Variants in FHOD3 observed in about 807,000 individuals in gnomAD.
FHOD3 encodes FH1/FH2 domain-containing protein 3.
Under a neutral mutation model 173.0 loss-of-function variants are expected in FHOD3, and 90 were observed. The observed-to-expected ratio is 0.52, with a 90% CI of 0.44 to 0.62. The LOEUF (loss-of-function observed/expected upper bound fraction) is 0.62. Ranked by LOEUF, FHOD3 falls within the 20% of genes least tolerant of loss-of-function variation. The pLI is 0.00. For missense variants in FHOD3, 1,945 were observed against 2,034.7 expected, an observed-to-expected ratio of 0.96 and a Z score of 0.85; for synonymous variants, 828 against 823.0, an observed-to-expected ratio of 1.01 and a Z score of -0.10.
chr18:36,709,261 C>T lies in FHOD3; in HGVS notation c.2403C>T (p.Leu801=). Residue 801 remains leucine, a synonymous_variant, in exon 18 of 29, where the codon CTC becomes CTT. Coordinates refer to ENST00000590592, the MANE Select transcript of FHOD3 (RefSeq NM_001281740.3). Reference sequence around the variant, plus strand: ...AAGAGCCGGAAGAAAGAGCCTCCCTCAGTGAAAAAGAGAGGCAGAACGAGG... The same window carrying T: ...AAGAGCCGGAAGAAAGAGCCTCCCTTAGTGAAAAAGAGAGGCAGAACGAGG... ...LEQEPEERAS[L]SEKERQNEGV... The T allele has an allele frequency of 1.9e-6, 3 of 1,614,214 alleles. No individual in the cohort carries two copies. Among genetic ancestry groups the T allele is most frequent in the Non-Finnish European group, 2.5e-6 (3 of 1,180,046 alleles).
chr18:36,552,371 G>T lies in FHOD3; in HGVS notation c.512-24080G>T, dbSNP rs193089374. ...TGTATCCTGAGACTTTGCTGAAGTTGCTTATGAGCTTAAGGAGATTTTGGG... is the reference window on the plus strand; with the variant it reads ...TGTATCCTGAGACTTTGCTGAAGTTTCTTATGAGCTTAAGGAGATTTTGGG... On this transcript the variant is annotated intron_variant, in intron 5 of 28. Transcript: ENST00000590592. Among the ~76,000 whole-genome samples, 1,127 of 152,266 alleles carry T rather than the reference G, an allele frequency of 7.4e-3. 8 individuals carry two copies. Among genetic ancestry groups the T allele is most frequent in the African/African-American group, 0.026 (1,064 of 41,546 alleles).
intron 1 of FHOD3, among the ~76,000 whole-genome samples, chr18:36,343,439 C>T (rs547767997): frequency 7.9e-5 from 12 of 152,258 alleles, no homozygotes; most frequent in East Asian, 7.7e-4. Context: ...GATGTTGTCC[C>T]CTCCAAATCT....
intron 10 of FHOD3, among the ~76,000 whole-genome samples, chr18:36,627,124 C>T (rs1439669526): frequency 6.6e-6 from 1 of 152,164 alleles, no homozygotes; most frequent in East Asian, 1.9e-4. Flanking sequence ...ATGAGCATTG[C>T]ATTTTGTGAT....
intron 5 of FHOD3, among the ~76,000 whole-genome samples, chr18:36,555,154 G>T (rs1353333040): frequency 1.3e-5 from 2 of 152,008 alleles, no homozygotes; most frequent in Non-Finnish European, 1.5e-5. Flanking sequence ...TGAGACTTTT[G>T]TTGTAGACTT....
chr18:36,323,118 C>T (rs2145006126), intron 1 of FHOD3, among the ~76,000 whole-genome samples: 1 of 152,260 alleles, frequency 6.6e-6, no homozygotes, highest in Non-Finnish European at 1.5e-5. Context: ...GCCTGACATG[C>T]TTCGACTCAG....
At chr18:36,337,068 G>A (rs2045354679) in intron 1 of FHOD3, among the ~76,000 whole-genome samples, 1 of 150,940 alleles carries the variant, frequency 6.6e-6, no homozygotes, top group Admixed American at 6.6e-5. Context: ...AGTTACTCGG[G>A]AGGCTGAGGC....
intron 14 of FHOD3, among the ~76,000 whole-genome samples, chr18:36,676,668 T>C (rs544220878): frequency 6.6e-6 from 1 of 152,336 alleles, no homozygotes; most frequent in African/African-American, 2.4e-5. Flanking sequence ...TCTGTGCCAA[T>C]GGGTTAGTGT....
At chr18:36,724,655 G>C (rs1346514822) in intron 19 of FHOD3, among the ~76,000 whole-genome samples, 1 of 152,154 alleles carries the variant, frequency 6.6e-6, no homozygotes, top group African/African-American at 2.4e-5. Flanking sequence ...TTCCACAAAG[G>C]GTAACCTCTG....
intron 8 of FHOD3, 88 bp downstream of exon 8, chr18:36,602,856 T>C: frequency 9.9e-7 from 1 of 1,014,596 alleles, no homozygotes; most frequent in Non-Finnish European, 1.6e-6. Flanking sequence ...TGTGGGCTTA[T>C]TTGGAAATAG....
chr18:36,635,256 G>A lies in FHOD3; in HGVS notation c.1196+9507G>A, dbSNP rs186061783. Among the ~76,000 whole-genome samples the A allele has an allele frequency of 4.6e-5, 7 of 152,290 alleles. No individual in the cohort carries two copies. In the East Asian group the frequency reaches 7.7e-4, roughly 17 times the overall value. ...GGCGGGATTGGCTTCTCAAATATTC[G>A]TTGTGACCAGATTGCAAATTTGTTG... On this transcript the variant is annotated intron_variant, in intron 10 of 28. Transcript: ENST00000590592.
At chr18:36,385,807 G>A (rs2048004710) in intron 3 of FHOD3, among the ~76,000 whole-genome samples, 1 of 152,204 alleles carries the variant, frequency 6.6e-6, no homozygotes, top group African/African-American at 2.4e-5. Context: ...AATGAAGTAG[G>A]TTTTGTGACC....
rs138169462 is a variant in FHOD3, at chr18:36,719,923, T to C, written c.3417+1208T>C. On this transcript the variant is annotated intron_variant, in intron 19 of 28. Coordinates refer to ENST00000590592, the MANE Select transcript of FHOD3 (RefSeq NM_001281740.3). ...TCTTAAGCTGCTTGCTGCCCTTCAC[T>C]GATTGGTGTTTACCCCAGTGTGTGT... 1.1e-4 allele frequency among the ~76,000 whole-genome samples: 16 copies of C among 152,334 alleles called. No homozygotes were observed. In the East Asian group the frequency reaches 2.9e-3, roughly 28 times the overall value.
At position 36,718,494 on chromosome 18, in the gene FHOD3, G is replaced by A. The variant is rs757908101; in HGVS notation, c.3196G>A (p.Gly1066Ser). 2 of 1,613,796 alleles carry A rather than the reference G, an allele frequency of 1.2e-6. No homozygotes were observed. The highest frequency in any genetic ancestry group is 2.2e-5 in the South Asian group (2 of 91,056). Residue 1066 changes from glycine (G) to serine (S), a missense_variant, in exon 19 of 29, where the codon GGC becomes AGC. Around this residue, in one of 5 missense-constraint regions of FHOD3, gnomAD observed 1,099 missense variants for 1,051.2 expected, o/e 1.05. Transcript: ENST00000590592. ...PPPPVFNAPQ[G>S]LGWSQVPRGQ... is the part of the protein sequence containing the mutation. ...TCCTCCAGTGTTCAACGCTCCTCAGGGCTTAGGGTGGTCCCAGGTACCCAG... is the reference window on the plus strand; with the variant it reads ...TCCTCCAGTGTTCAACGCTCCTCAGAGCTTAGGGTGGTCCCAGGTACCCAG...
At chr18:36,336,154 T>C (rs993591480) in intron 1 of FHOD3, among the ~76,000 whole-genome samples, 1 of 152,108 alleles carries the variant, frequency 6.6e-6, no homozygotes, top group African/African-American at 2.4e-5. Flanking sequence ...AATTGTAAAA[T>C]AAGCAGGCGG....
At position 36,424,865 on chromosome 18, in the gene FHOD3, C is replaced by T. The variant is rs368766324; in HGVS notation, c.337+52121C>T. Among the ~76,000 whole-genome samples, 62 of 152,320 alleles carry T rather than the reference C, an allele frequency of 4.1e-4. No homozygotes were observed. In the South Asian group the frequency reaches 0.012, roughly 31 times the overall value. The stretch of plus-strand genomic sequence containing the variant: ...CCCTTTGTTCAGCGTTTCTGTGCAG[C>T]ATACACTACCTGGCCATTAGTCACC... On this transcript the variant is annotated intron_variant, in intron 3 of 28. Transcript: ENST00000590592.
At position 36,730,718 on chromosome 18, in the gene FHOD3, G is replaced by A. The variant is rs1405993279; in HGVS notation, c.3490G>A (p.Gly1164Ser). Residue 1164 changes from glycine to serine, a missense_variant, in exon 20 of 29, where the codon GGT becomes AGT. Transcript: ENST00000590592. Reference sequence around the variant, plus strand: ...CAAGAGGAGTAACGCCATCAATATTGGTCTGACGGTGCTGCCCCCTCCAAG... The same window carrying A: ...CAAGAGGAGTAACGCCATCAATATTAGTCTGACGGTGCTGCCCCCTCCAAG... ...DSKRSNAINIGLTVLPPPRTI... is the reference protein window; with the variant it reads ...DSKRSNAINISLTVLPPPRTI... 2.5e-6 allele frequency: 4 copies of A among 1,614,076 alleles called. No homozygotes were observed. The highest frequency in any genetic ancestry group is 2.2e-5 in the East Asian group (1 of 44,884).
intron 3 of FHOD3, among the ~76,000 whole-genome samples, chr18:36,486,769 A>T (rs1451981508): frequency 6.6e-6 from 1 of 152,202 alleles, no homozygotes; most frequent in Non-Finnish European, 1.5e-5. Flanking sequence ...CAAGACAAAA[A>T]ATATTTTCCC....
At chr18:36,691,115 T>G (rs563391055) in intron 16 of FHOD3, among the ~76,000 whole-genome samples, 1 of 151,864 alleles carries the variant, frequency 6.6e-6, no homozygotes, top group Admixed American at 6.6e-5. Flanking sequence ...AGAAAGTGGG[T>G]TAAACCCTTT....
chr18:36,692,099 C>T (rs1341634858), intron 16 of FHOD3, among the ~76,000 whole-genome samples: 2 of 152,204 alleles, frequency 1.3e-5, no homozygotes, highest in African/African-American at 4.8e-5. Flanking sequence ...GGTGGACTGC[C>T]TTTGGGCTGG....
Sources: gnomAD v4.1 joint callset for allele counts (sites outside exome capture counted in the v4.1 genomes callset) on GRCh38, gnomAD v4.1.1 for gene constraint, gnomAD v4.1.1 regional missense constraint, MANE v1.5 for transcripts, NCBI Gene and HGNC (gene_info 2026-07-23, HGNC 2026-07-21) for gene names.